Variants in FREM2 observed in about 807,000 individuals in gnomAD.
FREM2 encodes FRAS1 related extracellular matrix 2.
A neutral mutation model predicts 219.9 loss-of-function variants in FREM2; 119 were observed. The ratio of observed to expected loss-of-function variants is 0.54; its 90% CI spans 0.47 to 0.63. The LOEUF (loss-of-function observed/expected upper bound fraction) is 0.63, where lower values mean the gene tolerates loss of function less well. FREM2 is among the 30% of genes least tolerant of loss of function. The pLI is 0.00. For missense variants in FREM2, 4,030 were observed against 3,993.6 expected, an observed-to-expected ratio of 1.01 and a Z score of -0.25; for synonymous variants, 1,562 against 1,522.8, an observed-to-expected ratio of 1.03 and a Z score of -0.60.
intron 6 of FREM2, among the ~76,000 whole-genome samples, chr13:38,814,829 T>C (rs1263505178): frequency 6.6e-6 from 1 of 152,122 alleles, no homozygotes; most frequent in Non-Finnish European, 1.5e-5. Context: ...CAGAGGAGCC[T>C]CTCCCTGGGA....
chr13:38,834,615 G>A (rs935047468), intron 6 of FREM2, among the ~76,000 whole-genome samples: 2 of 152,106 alleles, frequency 1.3e-5, no homozygotes, highest in African/African-American at 4.8e-5. Context: ...AACATCTGTG[G>A]TTTCCTGACT....
Position 38,783,108 on chromosome 13 carries a change from G to A in FREM2, c.5680G>A (p.Glu1894Lys), listed in dbSNP as rs945727772. The A allele has an allele frequency of 6.2e-7, 1 of 1,613,964 alleles. No individual in the cohort carries two copies. The change falls in exon 5 of 24, where the codon GAA becomes AAA. Residue 1894 changes from glutamate to lysine, a missense_variant. Coordinates refer to ENST00000280481, the MANE Select transcript of FREM2 (RefSeq NM_207361.6). ...VFIPQSKYSV[E>K]EDVGELFIPI... ...TATTCCCCAGTCCAAATACTCCGTT[G>A]AAGAAGATGTTGGTGAGCTGTTCAT...
chr13:38,772,168 TAAAAC>T (rs1195117299), intron 4 of FREM2, among the ~76,000 whole-genome samples: 8 of 152,166 alleles, frequency 5.3e-5, no homozygotes, highest in African/African-American at 1.9e-4. Flanking sequence ...TTTTCAAAAT[TAAAAC>T]AAATTTAAAA....
chr13:38,687,589 CT>C lies in FREM2; in HGVS notation c.248del (p.Phe83SerfsTer28). On this transcript the variant is annotated frameshift_variant, in exon 1 of 24. Transcript: ENST00000280481. LOFTEE classifies it high-confidence loss of function. ...IVLANRGLRV[P>X]FGREVWLDPL... ...CTGGCGAACCGCGGACTCCGGGTGCCTTTCGGCCGTGAAGTCTGGCTGGATC... is the reference window on the plus strand; with the variant it reads ...CTGGCGAACCGCGGACTCCGGGTGCCTTCGGCCGTGAAGTCTGGCTGGATC... The C allele has an allele frequency of 6.2e-7, 1 of 1,608,116 alleles. No homozygotes were observed. The highest frequency in any genetic ancestry group is 1.7e-5 in the Admixed American group (1 of 59,698).
chr13:38,715,426 A>T, intron 2 of FREM2, among the ~76,000 whole-genome samples: 1 of 152,196 alleles, frequency 6.6e-6, no homozygotes, highest in East Asian at 1.9e-4. Flanking sequence ...TTGACCAATA[A>T]TGCCTAGGAG....
chr13:38,732,430 CTACTT>C lies in FREM2; in HGVS notation c.5264-31871_5264-31867del, dbSNP rs61261649. 5.6e-3 allele frequency among the ~76,000 whole-genome samples: 856 copies of C among 152,258 alleles called. 11 individuals are homozygous for C. The highest frequency in any genetic ancestry group is 0.02 in the African/African-American group (817 of 41,546). On this transcript the variant is annotated intron_variant, in intron 2 of 23. Transcript: ENST00000280481. ...TTGTGATTTATTTTTACTTAATAAA[CTACTT>C]TAGTTATGACAGCCATTATTTTCAA...
intron 2 of FREM2, among the ~76,000 whole-genome samples, chr13:38,700,239 G>A (rs754238413): frequency 2.0e-5 from 3 of 152,042 alleles, no homozygotes; most frequent in Non-Finnish European, 4.4e-5. Flanking sequence ...GTGTTACCAT[G>A]GGAATCTGGC....
intron 6 of FREM2, among the ~76,000 whole-genome samples, chr13:38,845,866 A>AAAAATAC (rs1301809729): frequency 6.6e-6 from 1 of 152,104 alleles, no homozygotes; most frequent in Non-Finnish European, 1.5e-5. Context: ...AAGACCCCAA[A>AAAAATAC]GCATGTGCCC....
intron 6 of FREM2, among the ~76,000 whole-genome samples, chr13:38,800,460 C>A (rs1225012274): frequency 6.6e-6 from 1 of 151,762 alleles, no homozygotes; most frequent in Non-Finnish European, 1.5e-5. Flanking sequence ...TGACTAGAAG[C>A]TTTTCTCTTT....
chr13:38,754,503 T>C (rs1872902803), intron 2 of FREM2, among the ~76,000 whole-genome samples: 2 of 152,212 alleles, frequency 1.3e-5, no homozygotes, highest in South Asian at 4.1e-4. Context: ...ACTTGAATGC[T>C]ACATCTACCA....
In FREM2 at chr13:38,691,444, G is replaced by A. The variant is rs1869853538; in HGVS notation, c.4100G>A (p.Gly1367Asp). The change falls in exon 1 of 24, where the codon GGC (glycine) becomes GAC (aspartate). Residue 1367 changes from glycine (G) to aspartate (D), a missense_variant. By Grantham distance (94) the Gly-to-Asp change is moderately conservative. Coordinates refer to ENST00000280481, the MANE Select transcript of FREM2 (RefSeq NM_207361.6). ...GGTGCCTTTGAAAATATCACACTGGGCATGAATTTTACCCAGGATGAAGTA... is the reference window on the plus strand; with the variant it reads ...GGTGCCTTTGAAAATATCACACTGGACATGAATTTTACCCAGGATGAAGTA... Reference protein sequence around the residue: ...PTGAFENITLGMNFTQDEVDR... With the variant: ...PTGAFENITLDMNFTQDEVDR... 1 of 1,614,146 alleles carries A rather than the reference G, an allele frequency of 6.2e-7. No homozygotes were observed. Among genetic ancestry groups the A allele is most frequent in the Non-Finnish European group, 8.5e-7 (1 of 1,180,040 alleles).
intron 6 of FREM2, among the ~76,000 whole-genome samples, chr13:38,789,562 A>C (rs1215908315): frequency 2.6e-5 from 4 of 150,960 alleles, no homozygotes; most frequent in Admixed American, 1.3e-4. Flanking sequence ...ACTTTTCAAA[A>C]AAAAAGAATA....
At chr13:38,709,819 T>C (rs1409891906) in intron 2 of FREM2, among the ~76,000 whole-genome samples, 1 of 152,024 alleles carries the variant, frequency 6.6e-6, no homozygotes, top group Non-Finnish European at 1.5e-5. Flanking sequence ...ATTAAGTGAC[T>C]TGTAGTCCCA....
At chr13:38,869,445 T>G (rs1336642931) in intron 16 of FREM2, among the ~76,000 whole-genome samples, 1 of 152,192 alleles carries the variant, frequency 6.6e-6, no homozygotes, top group African/African-American at 2.4e-5. Context: ...AAATATTCCA[T>G]GAACACCTAC....
At chr13:38,717,558 A>G (rs1871060553) in intron 2 of FREM2, among the ~76,000 whole-genome samples, 1 of 151,046 alleles carries the variant, frequency 6.6e-6, no homozygotes, top group Non-Finnish European at 1.5e-5. Flanking sequence ...CTGGGATTAC[A>G]GGCACACATC....
intron 4 of FREM2, among the ~76,000 whole-genome samples, chr13:38,771,370 G>A (rs1397638235): frequency 4.6e-5 from 7 of 151,932 alleles, no homozygotes; most frequent in Non-Finnish European, 8.8e-5. Context: ...AAATTGACTC[G>A]TTAGTTAAAA....
chr13:38,829,473 T>C (rs1290433009), intron 6 of FREM2, among the ~76,000 whole-genome samples: 1 of 152,092 alleles, frequency 6.6e-6, no homozygotes, highest in East Asian at 1.9e-4. Context: ...CAACTATTTA[T>C]CATTATTTCT....
intron 2 of FREM2, among the ~76,000 whole-genome samples, chr13:38,736,636 A>G (rs1026073515): frequency 1.3e-5 from 2 of 152,218 alleles, no homozygotes; most frequent in Non-Finnish European, 2.9e-5. Context: ...CATGAGGATT[A>G]TGGAAGAAGG....
At chr13:38,751,864 CTGTGTG>C (rs59365871) in intron 2 of FREM2, among the ~76,000 whole-genome samples, 73,757 of 130,128 alleles carry the variant, frequency 0.57, 21,455 homozygotes, top group Non-Finnish European at 0.69. Context: ...TGTACTTACT[CTGTGTG>C]TGTGTGTGTG....
Sources: allele counts gnomAD v4.1 joint callset (sites outside exome capture counted in the v4.1 genomes callset), GRCh38; gene constraint gnomAD v4.1.1; transcripts MANE v1.5; gene names NCBI Gene and HGNC (gene_info 2026-07-23, HGNC 2026-07-21).